The following AK9 variants were observed in gnomAD, a reference collection of about 807,000 sequenced individuals.
AK9 encodes the protein adenylate kinase domain containing 1.
AK9 carries 191 observed loss-of-function variants against 239.6 expected under a neutral mutation model. The observed-to-expected ratio is 0.80, with a 90% CI of 0.71 to 0.90. The LOEUF (loss-of-function observed/expected upper bound fraction) is 0.90, where lower values mean the gene tolerates loss of function less well. AK9 is among the 40% of genes least tolerant of loss of function. AK9 has a pLI of 0.00. For missense variants in AK9, 1,995 were observed against 2,214.7 expected, an observed-to-expected ratio of 0.90 and a Z score of 1.99; for synonymous variants, 689 against 721.0, an observed-to-expected ratio of 0.96 and a Z score of 0.71.
chr6:109,618,018 A>G (rs1208217119), intron 13 of AK9, among the ~76,000 whole-genome samples: 1 of 152,224 alleles, frequency 6.6e-6, no homozygotes, highest in East Asian at 1.9e-4. Flanking sequence ...CAGTTAGCAT[A>G]GCTCCAGCCT....
At chr6:109,538,967 G>C (rs1021275377) in intron 27 of AK9, among the ~76,000 whole-genome samples, 1 of 152,188 alleles carries the variant, frequency 6.6e-6, no homozygotes, top group East Asian at 1.9e-4. Context: ...TTTCTGCCGA[G>C]AGATCCGCTG....
At chr6:109,623,012 A>C (rs927259325) in intron 12 of AK9, among the ~76,000 whole-genome samples, 3 of 152,164 alleles carry the variant, frequency 2.0e-5, no homozygotes, top group African/African-American at 7.2e-5. Flanking sequence ...GATTGATATG[A>C]CAAGTCTCTG....
chr6:109,667,980 T>G (rs1022729828), intron 5 of AK9, among the ~76,000 whole-genome samples: 1 of 152,126 alleles, frequency 6.6e-6, no homozygotes, highest in East Asian at 1.9e-4. Context: ...ATCGCCACAG[T>G]CTTCCACAAT....
At chr6:109,539,390 C>G (rs1310900201) in intron 27 of AK9, among the ~76,000 whole-genome samples, 1 of 152,188 alleles carries the variant, frequency 6.6e-6, no homozygotes, top group Non-Finnish European at 1.5e-5. Context: ...TCCAGTTGAT[C>G]GAATTGGCTA....
chr6:109,653,476 G>A (rs910620969), intron 8 of AK9, among the ~76,000 whole-genome samples: 2 of 152,096 alleles, frequency 1.3e-5, no homozygotes, highest in Non-Finnish European at 2.9e-5. Context: ...TAGCCTCTAC[G>A]CATTTTTCTT....
chr6:109,677,009 T>C (rs1771857717), intron 1 of AK9, among the ~76,000 whole-genome samples: 1 of 152,184 alleles, frequency 6.6e-6, no homozygotes, highest in Non-Finnish European at 1.5e-5. Flanking sequence ...AAATACTACA[T>C]GTTCTCACTT....
At chr6:109,600,603 AG>A (rs1442244523) in intron 17 of AK9, among the ~76,000 whole-genome samples, 1 of 152,214 alleles carries the variant, frequency 6.6e-6, no homozygotes, top group African/African-American at 2.4e-5. Context: ...AAAATGACTT[AG>A]GGAGGATTCC....
At chr6:109,600,523 A>C (rs1791785748) in intron 17 of AK9, among the ~76,000 whole-genome samples, 1 of 152,150 alleles carries the variant, frequency 6.6e-6, no homozygotes, top group African/African-American at 2.4e-5. Flanking sequence ...CATCAGGGAT[A>C]TTGGTCTACA....
Position 109,550,284 on chromosome 6 carries a change from C to G in AK9, c.2770G>C (p.Glu924Gln). 3.7e-6 allele frequency: 6 copies of G among 1,610,512 alleles called. No individual in the cohort carries two copies. Among genetic ancestry groups the G allele is most frequent in the South Asian group, 1.1e-5 (1 of 91,024 alleles). The change falls in exon 25 of 41, where the codon GAG (glutamate) becomes CAG (glutamine). Residue 924 changes from glutamate to glutamine, a missense_variant. Glu to Gln is a conservative substitution (Grantham distance 29, BLOSUM62 2). This residue lies in a region of AK9 where 1,290 missense variants were observed against 1,392.7 expected (regional missense o/e 0.93). Transcript: ENST00000424296. Reference sequence around the variant, plus strand: ...GTGTCTCCCAAATGCCTCTTTCTCTCCTTCATTTTATCTTCACCCTAGAAA... The same window carrying G: ...GTGTCTCCCAAATGCCTCTTTCTCTGCTTCATTTTATCTTCACCCTAGAAA... ...EEEEGEDKMK[E>Q]RKRHLGDTKH...
In AK9 at chr6:109,572,333, G is replaced by A. The variant is rs943303958; in HGVS notation, c.2344+1109C>T. Among the ~76,000 whole-genome samples, 48 of 152,210 alleles carry A rather than the reference G, an allele frequency of 3.2e-4. No homozygotes were observed. The East Asian group carries it at 9.1e-3, about 29-fold the overall frequency. On this transcript the variant is annotated intron_variant, in intron 21 of 40. Transcript: ENST00000424296. ...AATTCCCAGATTCCCTGCAAGTAGG[G>A]GTAGATGACGATACAATATTCTGCT... is the stretch of plus-strand genomic sequence containing the variant.
chr6:109,554,525 C>CTTTTTTTTTTTTTTTT, intron 24 of AK9, among the ~76,000 whole-genome samples: 1 of 77,464 alleles, frequency 1.3e-5, no homozygotes, highest in Non-Finnish European at 2.5e-5. Context: ...TATTTCTTTT[C>CTTTTTTTTTTTTTTTT]TTTTTTTTTT....
chr6:109,643,298 C>A (rs975699900), intron 9 of AK9, among the ~76,000 whole-genome samples: 10 of 152,198 alleles, frequency 6.6e-5, no homozygotes, highest in Non-Finnish European at 1.2e-4. Context: ...CACTAGCATG[C>A]ACTGTTACCA....
At chr6:109,634,135 G>C (rs1796443002) in intron 10 of AK9, among the ~76,000 whole-genome samples, 1 of 152,164 alleles carries the variant, frequency 6.6e-6, no homozygotes, top group Non-Finnish European at 1.5e-5. Flanking sequence ...GGACTGTTAA[G>C]AGGTGATTAG....
At chr6:109,513,877 T>A (rs1489001664) in intron 32 of AK9, among the ~76,000 whole-genome samples, 2 of 152,216 alleles carry the variant, frequency 1.3e-5, no homozygotes, top group African/African-American at 4.8e-5. Flanking sequence ...AGAACCTAAA[T>A]GCCAGCAGAA....
chr6:109,515,843 T>G lies in AK9; in HGVS notation c.4065+14A>C. 6.5e-7 allele frequency: 1 copy of G among 1,531,916 alleles called. No individual in the cohort carries two copies. Among genetic ancestry groups the G allele is most frequent in the Non-Finnish European group, 8.8e-7 (1 of 1,131,076 alleles). 94.9% of individuals were successfully genotyped at this position (1,531,916 alleles called of 1,614,324 possible). ...ATAAGGAACATGGCTTTCAGGTGCG[T>G]TTGCTGAAATTACCTTTACAGGGTC... On this transcript the variant is annotated intron_variant, in intron 31 of 40. Transcript: ENST00000424296.
At chr6:109,495,688 C>A (rs1234174280) in intron 38 of AK9, among the ~76,000 whole-genome samples, 2 of 152,134 alleles carry the variant, frequency 1.3e-5, no homozygotes, top group African/African-American at 4.8e-5. Context: ...CTTTATTTTC[C>A]TTAAACTTCT....
chr6:109,538,612 G>A (rs1053368602), intron 27 of AK9, among the ~76,000 whole-genome samples: 1 of 151,766 alleles, frequency 6.6e-6, no homozygotes, highest in African/African-American at 2.4e-5. Flanking sequence ...TACATTTAAG[G>A]TTAATATTGT....
At chr6:109,686,394 A>G (rs931397086) in intron 1 of AK9, among the ~76,000 whole-genome samples, 1 of 152,208 alleles carries the variant, frequency 6.6e-6, no homozygotes, top group Non-Finnish European at 1.5e-5. Context: ...TCAACCTCTA[A>G]AAAAGAGGCA....
intron 1 of AK9, among the ~76,000 whole-genome samples, chr6:109,682,725 AT>A (rs1772861496): frequency 6.6e-6 from 1 of 152,182 alleles, no homozygotes; most frequent in Non-Finnish European, 1.5e-5. Flanking sequence ...GAATAAACCA[AT>A]AACAAGCTCT....
Sources: gnomAD v4.1 joint callset for allele counts (sites outside exome capture counted in the v4.1 genomes callset) on GRCh38, gnomAD v4.1.1 for gene constraint, gnomAD v4.1.1 regional missense constraint, MANE v1.5 for transcripts, NCBI Gene and HGNC (gene_info 2026-07-23, HGNC 2026-07-21) for gene names.